Variants in CALCOCO1 observed in about 807,000 individuals in gnomAD.
CALCOCO1 encodes the protein calcium-binding and coiled-coil domain-containing protein 1.
CALCOCO1 carries 44 observed loss-of-function variants against 86.3 expected under a neutral mutation model. That is an observed-to-expected ratio of 0.51 (90% CI 0.40 to 0.66). The LOEUF is 0.66. CALCOCO1 is among the 30% of genes least tolerant of loss of function. CALCOCO1 has a pLI of 0.00. For synonymous variants in CALCOCO1, 297 were observed against 327.6 expected (o/e 0.91, Z 1.01); for missense variants, 708 against 851.1 (o/e 0.83, Z 2.09).
At chr12:53,723,930 T>C (rs892903029) in intron 3 of CALCOCO1, 147 bp from the exon 4 acceptor site, 1 of 671,718 alleles carries the variant, frequency 1.5e-6, no homozygotes, top group Non-Finnish European at 2.5e-6. Context: ...TCCCTCTCCT[T>C]CCTTTCTTTC....
In CALCOCO1 at chr12:53,716,547, C is replaced by G. The variant is rs1455544123; in HGVS notation, c.850-132G>C. ...CACACACTCAAGCCTTCAGCTATTGCCAGCCCTTCTTGGGTTCTCAGCTCA... is the reference window on the plus strand; with the variant it reads ...CACACACTCAAGCCTTCAGCTATTGGCAGCCCTTCTTGGGTTCTCAGCTCA... On this transcript the variant is annotated intron_variant, in intron 7 of 14. Coordinates refer to ENST00000550804, the MANE Select transcript of CALCOCO1 (RefSeq NM_020898.3). 11 of 903,298 alleles carry G rather than the reference C, an allele frequency of 1.2e-5. No individual in the cohort carries two copies. In the African/African-American group the frequency reaches 1.5e-4, roughly 12 times the overall value. 56.0% of individuals were successfully genotyped at this position (903,298 alleles called of 1,614,324 possible).
intron 14 of CALCOCO1, chr12:53,712,895 AT>A: frequency 6.9e-7 from 1 of 1,451,210 alleles, no homozygotes; most frequent in Non-Finnish European, 9.3e-7. Flanking sequence ...GAGTGCATTG[AT>A]AAGATAGGGG....
chr12:53,715,435 T>C, intron 9 of CALCOCO1, 110 bp from the exon 10 acceptor site: 2 of 1,405,866 alleles, frequency 1.4e-6, no homozygotes, highest in Non-Finnish European at 1.9e-6. Context: ...TAAAGCATCA[T>C]TTTTAGAGCA....
Position 53,709,353 on chromosome 12 carries a change from G to T in CALCOCO1, c.*2591C>A, listed in dbSNP as rs554355093. ...TTCCTTGAGCCCCCTCTGTGTCGGG[G>T]ACCATGCTTTGGATACTGGGATAGG... is the stretch of plus-strand genomic sequence containing the variant. On this transcript the variant is annotated 3_prime_UTR_variant, in exon 15 of 15. Coordinates refer to ENST00000550804, the MANE Select transcript of CALCOCO1 (RefSeq NM_020898.3). 6.6e-6 allele frequency: 1 copy of T among 152,238 alleles called. No individual in the cohort carries two copies. Among genetic ancestry groups the T allele is most frequent in the Non-Finnish European group, 1.5e-5 (1 of 68,068 alleles). The allele number at this position is 152,238 out of a possible 1,614,324, so 9.4% of individuals were successfully genotyped here.
intron 12 of CALCOCO1, 98 bp from the exon 13 acceptor site, chr12:53,713,998 G>C (rs1168262255): frequency 1.5e-6 from 2 of 1,322,442 alleles, no homozygotes; most frequent in African/African-American, 1.4e-5. Context: ...AGACTAAACA[G>C]GGGCCAGGGT....
chr12:53,719,592 C>A (rs994730482), intron 7 of CALCOCO1, 147 bp downstream of exon 7: 5 of 627,738 alleles, frequency 8.0e-6, no homozygotes, highest in Middle Eastern at 5.4e-4. Flanking sequence ...TCTGACTAAT[C>A]CTGATTTAGG....
intron 7 of CALCOCO1, among the ~76,000 whole-genome samples, chr12:53,718,581 T>C (rs567467356): frequency 2.0e-5 from 3 of 152,150 alleles, no homozygotes; most frequent in African/African-American, 7.2e-5. Context: ...CAGGCTGAAG[T>C]TCAGGGGTGC....
rs1233100766 is a variant in CALCOCO1, at chr12:53,714,631, C to A, written c.1449G>T (p.Gln483His). The change falls in exon 11 of 15, where the codon CAG becomes CAT. Residue 483 changes from glutamine (Q) to histidine (H), a missense_variant. Physicochemically the swap from Gln to His is conservative, Grantham distance 24. Transcript: ENST00000550804. ...TELRSALRVL[Q>H]KEKEQLQEEK... is the part of the protein sequence containing the mutation. ...CCTCCTGTAACTGCTCCTTTTCCTT[C>A]TGGAGCACACGCAGGGCTGACCGCA... The A allele has an allele frequency of 1.2e-6, 2 of 1,614,028 alleles. No individual in the cohort carries two copies. The highest frequency in any genetic ancestry group is 1.7e-6 in the Non-Finnish European group (2 of 1,180,010).
intron 14 of CALCOCO1, chr12:53,712,471 C>G (rs976966020): frequency 3.9e-6 from 1 of 256,670 alleles, no homozygotes; most frequent in Non-Finnish European, 7.6e-6. Flanking sequence ...GACAGCATCA[C>G]CCCCTCCCTG....
rs147302447 is a variant in CALCOCO1 at position 53,716,318 on chromosome 12, C to T, written c.947G>A (p.Arg316Gln). ...CATCTGGGCCACCTTGTCTTTCAGT[C>T]GCTGAGCCTGAGCACTCTGCTCCTC... ...WQEEQSAQAQ[R>Q]LKDKVAQMKD... Residue 316 changes from arginine (R) to glutamine (Q), a missense_variant, in exon 8 of 15, where the codon CGA (arginine) becomes CAA (glutamine). By Grantham distance (43) the Arg-to-Gln change is conservative. Transcript: ENST00000550804. The T allele has an allele frequency of 6.9e-5, 111 of 1,614,114 alleles. No individual in the cohort carries two copies. Among genetic ancestry groups the T allele is most frequent in the Middle Eastern group, 3.3e-4 (2 of 6,080 alleles).
intron 7 of CALCOCO1, 79 bp downstream of exon 7, chr12:53,719,660 C>A: frequency 2.1e-6 from 2 of 933,912 alleles, no homozygotes; most frequent in Non-Finnish European, 1.7e-6. Flanking sequence ...ATTTTTATTC[C>A]CTTTGGTGTC....
chr12:53,719,139 C>T (rs939017764), intron 7 of CALCOCO1, among the ~76,000 whole-genome samples: 21 of 151,828 alleles, frequency 1.4e-4, no homozygotes, highest in Non-Finnish European at 2.9e-4. Context: ...GCCACTGTGC[C>T]TGGCCTCCAC....
intron 9 of CALCOCO1, 181 bp downstream of exon 9, chr12:53,715,612 G>A (rs759253912): frequency 2.4e-5 from 20 of 824,212 alleles, no homozygotes; most frequent in Admixed American, 5.7e-5. Context: ...GGGATACCCC[G>A]GTTAGGGATG....
chr12:53,717,329 A>G (rs1475186640), intron 7 of CALCOCO1, among the ~76,000 whole-genome samples: 9 of 152,158 alleles, frequency 5.9e-5, no homozygotes, highest in Admixed American at 1.3e-4. Flanking sequence ...CACCTCCCAA[A>G]ATGTTGGGAT....
intron 9 of CALCOCO1, 148 bp downstream of exon 9, chr12:53,715,645 G>A (rs955834834): frequency 1.8e-5 from 19 of 1,059,334 alleles, no homozygotes; most frequent in Admixed American, 1.2e-4. Flanking sequence ...AAAGTAAAGT[G>A]TACCTCCCTC....
intron 14 of CALCOCO1, chr12:53,712,356 T>A: frequency 2.2e-6 from 1 of 455,686 alleles, no homozygotes; most frequent in Non-Finnish European, 3.9e-6. Flanking sequence ...GCAGAGCCCA[T>A]CCCCCAGCCT....
At position 53,714,243 on chromosome 12, in the gene CALCOCO1, T is replaced by C. The variant is rs1238938780; in HGVS notation, c.1483-2A>G. 2 of 1,609,608 alleles carry C rather than the reference T, an allele frequency of 1.2e-6. No homozygotes were observed. Among genetic ancestry groups the C allele is most frequent in the Non-Finnish European group, 1.7e-6 (2 of 1,176,510 alleles). On this transcript the variant is annotated splice_acceptor_variant, in intron 11 of 14. Coordinates refer to ENST00000550804, the MANE Select transcript of CALCOCO1 (RefSeq NM_020898.3). LOFTEE classifies it high-confidence loss of function. ...CTTTCTCATGTACTCTAGCAATTCC[T>C]GGAATTGGGAAGGAAAAAGGCAGGT...
In CALCOCO1 at chr12:53,716,379, A is replaced by G. The variant is rs767871912; in HGVS notation, c.886T>C (p.Leu296=). 1 of 1,614,060 alleles carries G rather than the reference A, an allele frequency of 6.2e-7. No individual in the cohort carries two copies. The highest frequency in any genetic ancestry group is 8.5e-7 in the Non-Finnish European group (1 of 1,180,022). The part of the protein sequence containing the change: ...LQVAQQENHH[L]NLDLKEAKSW... ...TTCGCCTCCTTCAGGTCCAAATTTAAGTGATGGTTCTCCTGTTGTGCCACT... is the reference window on the plus strand; with the variant it reads ...TTCGCCTCCTTCAGGTCCAAATTTAGGTGATGGTTCTCCTGTTGTGCCACT... The change falls in exon 8 of 15, where the codon TTA becomes CTA. Residue 296 remains leucine, a synonymous_variant. Coordinates refer to ENST00000550804, the MANE Select transcript of CALCOCO1 (RefSeq NM_020898.3).
intron 3 of CALCOCO1, 38 bp downstream of exon 3, chr12:53,724,607 T>C (rs1945972239): frequency 6.6e-7 from 1 of 1,516,424 alleles, no homozygotes; most frequent in African/African-American, 1.4e-5. Flanking sequence ...CTCCACTCCC[T>C]TGGCTCCTCT....
Sources: allele counts gnomAD v4.1 joint callset (sites outside exome capture counted in the v4.1 genomes callset), GRCh38; gene constraint gnomAD v4.1.1; transcripts MANE v1.5; gene names NCBI Gene and HGNC (gene_info 2026-07-23, HGNC 2026-07-21).